The following NUTM2B variants were observed in gnomAD, a reference collection of about 807,000 sequenced individuals.
NUTM2B encodes NUT family member 2B.
Under a neutral mutation model 42.4 loss-of-function variants are expected in NUTM2B, and 2 were observed. The observed-to-expected ratio is 0.05, with a 90% CI of 0.02 to 0.15. The LOEUF (loss-of-function observed/expected upper bound fraction) is 0.15. Among genes scored for constraint, NUTM2B ranks in the 10% least tolerant of loss-of-function variants. The pLI is 1.00. For synonymous variants in NUTM2B, 18 were observed against 402.4 expected (o/e 0.04, Z 11.43); for missense variants, 58 against 952.6 (o/e 0.06, Z 12.36).
chr10:79,693,873 A>G, the NUTM2B span, among the ~76,000 whole-genome samples: 1 of 152,198 alleles, frequency 6.6e-6, no homozygotes, highest in African/African-American at 2.4e-5. Context: ...TCAGAACATT[A>G]AAGGAAGTGA....
chr10:79,702,184 A>G (rs1260371917), upstream of NUTM2B, among the ~76,000 whole-genome samples: 2 of 151,952 alleles, frequency 1.3e-5, no homozygotes, highest in Non-Finnish European at 2.9e-5. Flanking sequence ...CTCTCCGTTG[A>G]TCTTCTCAGC....
At position 79,708,840 on chromosome 10, in the gene NUTM2B, T is replaced by G; in HGVS notation, c.1211+13T>G. ...AGATGGCGGAAAAGTGAGTCTGGGGTCCTGGGAGCAGGGCCCGCGTGGCAG... is the reference window on the plus strand; with the variant it reads ...AGATGGCGGAAAAGTGAGTCTGGGGGCCTGGGAGCAGGGCCCGCGTGGCAG... On this transcript the variant is annotated intron_variant, in intron 3 of 6. Transcript: ENST00000429828. The G allele has an allele frequency of 7.7e-7, 1 of 1,294,402 alleles. No homozygotes were observed. The highest frequency in any genetic ancestry group is 1.6e-5 in the African/African-American group (1 of 60,660). The allele number at this position is 1,294,402 out of a possible 1,614,324, so 80.2% of individuals were successfully genotyped here.
chr10:79,696,777 C>T, the NUTM2B span, among the ~76,000 whole-genome samples: 1 of 152,238 alleles, frequency 6.6e-6, no homozygotes. Context: ...CTAGCATGTG[C>T]AGCAATAGCG....
chr10:79,699,632 G>A (rs1255264174), upstream of NUTM2B, among the ~76,000 whole-genome samples: 17 of 152,224 alleles, frequency 1.1e-4, no homozygotes, highest in East Asian at 1.9e-4. Flanking sequence ...TAGTAGAGAC[G>A]GGGTTTCACC....
the NUTM2B span, among the ~76,000 whole-genome samples, chr10:79,694,679 C>T: frequency 2.0e-5 from 3 of 152,154 alleles, no homozygotes; most frequent in South Asian, 4.1e-4. Context: ...ACCCAACATG[C>T]TGAGAGAATG....
chr10:79,693,421 C>G, the NUTM2B span, among the ~76,000 whole-genome samples: 10 of 152,322 alleles, frequency 6.6e-5, no homozygotes, highest in African/African-American at 2.4e-4. Context: ...GACAGAGGGG[C>G]CACTCAGCAC....
chr10:79,697,043 C>A, the NUTM2B span, among the ~76,000 whole-genome samples: 1 of 112,454 alleles, frequency 8.9e-6, no homozygotes, highest in African/African-American at 3.5e-5. Flanking sequence ...GAACCTGAAC[C>A]AGCCCACCAG....
At chr10:79,696,862 T>C in the NUTM2B span, among the ~76,000 whole-genome samples, 3 of 150,514 alleles carry the variant, frequency 2.0e-5, no homozygotes, top group Non-Finnish European at 4.4e-5. Flanking sequence ...AATAGTCATG[T>C]AAGGCTCCCA....
chr10:79,699,303 G>C (rs1321691585), upstream of NUTM2B, among the ~76,000 whole-genome samples: 1,208 of 151,642 alleles, frequency 8.0e-3, 7 homozygotes, highest in African/African-American at 0.028. Context: ...ATTCATCTGA[G>C]AAAACACATG....
the NUTM2B span, among the ~76,000 whole-genome samples, chr10:79,693,034 G>A: frequency 0.26 from 39,674 of 152,024 alleles, 5,853 homozygotes; most frequent in East Asian, 0.69. Context: ...CTTCATATGC[G>A]CTGACATGCC....
chr10:79,693,187 G>A, the NUTM2B span, among the ~76,000 whole-genome samples: 39,727 of 152,070 alleles, frequency 0.26, 5,863 homozygotes, highest in East Asian at 0.69. Flanking sequence ...GGTCTTGCCC[G>A]CTGAGTCTCC....
chr10:79,706,114 TCACCA>T lies in NUTM2B; in HGVS notation c.460_464del (p.Thr154ArgfsTer115). ...CTGTCTGTGTTCACGGCTCTGCCCTTCACCACACCCGCTCCCGGCCCAGCACACGG... is the reference window on the plus strand; with the variant it reads ...CTGTCTGTGTTCACGGCTCTGCCCTTCACCCGCTCCCGGCCCAGCACACGG... On this transcript the variant is annotated frameshift_variant, in exon 2 of 7. Transcript: ENST00000429828. LOFTEE classifies it high-confidence loss of function. The T allele has an allele frequency of 6.3e-7, 1 of 1,594,034 alleles. No individual in the cohort carries two copies. Among genetic ancestry groups the T allele is most frequent in the African/African-American group, 1.4e-5 (1 of 72,908 alleles).
chr10:79,696,732 G>A, the NUTM2B span, among the ~76,000 whole-genome samples: 10 of 152,258 alleles, frequency 6.6e-5, no homozygotes, highest in Non-Finnish European at 1.5e-4. Flanking sequence ...CTTGGGTAGA[G>A]ATTTAAGATG....
At chr10:79,692,167 G>C in the NUTM2B span, 1 of 152,234 alleles carries the variant, frequency 6.6e-6, no homozygotes, top group Non-Finnish European at 1.5e-5. Flanking sequence ...ATCAGAAGAG[G>C]GGGCTCTGAG....
At chr10:79,692,776 C>T in the NUTM2B span, among the ~76,000 whole-genome samples, 1 of 152,224 alleles carries the variant, frequency 6.6e-6, no homozygotes, top group African/African-American at 2.4e-5. Flanking sequence ...TTTGCCTCCA[C>T]CTCTCATTAG....
chr10:79,700,768 C>T (rs553865142), upstream of NUTM2B, among the ~76,000 whole-genome samples: 284 of 152,332 alleles, frequency 1.9e-3, 2 homozygotes, highest in African/African-American at 6.1e-3. Flanking sequence ...CGGTTGAGGG[C>T]GGCCGGCCTC....
At chr10:79,705,510 C>A (rs1268591518) in intron 1 of NUTM2B, among the ~76,000 whole-genome samples, 11 of 151,376 alleles carry the variant, frequency 7.3e-5, no homozygotes, top group African/African-American at 2.7e-4. Context: ...GAAAGATTTC[C>A]ATCCAGTGGT....
chr10:79,699,927 T>C (rs1177880378), upstream of NUTM2B, among the ~76,000 whole-genome samples: 3 of 152,184 alleles, frequency 2.0e-5, no homozygotes, highest in African/African-American at 7.2e-5. Context: ...CCAAAATAAA[T>C]CTTCCTGACA....
upstream of NUTM2B, among the ~76,000 whole-genome samples, chr10:79,699,822 CAATTA>C (rs558877319): frequency 9.2e-5 from 14 of 152,192 alleles, no homozygotes; most frequent in Non-Finnish European, 1.6e-4. Context: ...AGATTCTCAC[CAATTA>C]AATACATATC....
Sources: allele counts gnomAD v4.1 joint callset (sites outside exome capture counted in the v4.1 genomes callset), GRCh38; gene constraint gnomAD v4.1.1; transcripts MANE v1.5; gene names NCBI Gene and HGNC (gene_info 2026-07-23, HGNC 2026-07-21).